Variants in FTCDNL1 observed in about 807,000 individuals in gnomAD.
The protein encoded by FTCDNL1 is formiminotransferase cyclodeaminase N-terminal like, also known as formiminotransferase N-terminal subdomain-containing protein.
FTCDNL1 carries 11 observed loss-of-function variants against 5.9 expected under a neutral mutation model. The ratio of observed to expected loss-of-function variants is 1.87; its 90% CI spans 1.18 to 3.10. FTCDNL1 has a LOEUF of 3.10. Ranked by LOEUF, FTCDNL1 falls within the 30% of genes most tolerant of loss-of-function variation. The pLI is 0.00. For missense variants in FTCDNL1, 115 were observed against 65.5 expected, an observed-to-expected ratio of 1.76 and a Z score of -2.61; for synonymous variants, 58 against 24.8, an observed-to-expected ratio of 2.34 and a Z score of -3.99.
At chr2:199,808,788 C>T (rs1700865156), downstream of FTCDNL1, among the ~76,000 whole-genome samples, 1 of 152,210 alleles carries the variant, frequency 6.6e-6, no homozygotes, top group Non-Finnish European at 1.5e-5. Flanking sequence ...TTCATTTGTA[C>T]ATTACAGCTT....
intron 3 of FTCDNL1, among the ~76,000 whole-genome samples, chr2:199,830,490 C>CAA (rs1415206604): frequency 2.6e-5 from 4 of 152,120 alleles, no homozygotes; most frequent in Non-Finnish European, 5.9e-5. Context: ...CCAATGTCTT[C>CAA]ATTAAACAGA....
chr2:199,848,659 G>A (rs757718775), intron 2 of FTCDNL1, among the ~76,000 whole-genome samples, 189 bp downstream of exon 2: 9 of 152,228 alleles, frequency 5.9e-5, no homozygotes, highest in Non-Finnish European at 8.8e-5. Flanking sequence ...AAGAGCATAT[G>A]TGCACATCTG....
chr2:199,757,079 T>G (rs896471156), downstream of FTCDNL1, among the ~76,000 whole-genome samples: 1 of 152,110 alleles, frequency 6.6e-6, no homozygotes, highest in Non-Finnish European at 1.5e-5. Flanking sequence ...TGGCAAACAC[T>G]AATGCAATCT....
At chr2:199,678,808 T>A in the FTCDNL1 span, among the ~76,000 whole-genome samples, 661 of 152,226 alleles carry the variant, frequency 4.3e-3, 7 homozygotes, top group African/African-American at 0.015. Context: ...GTAAATCAGT[T>A]ACATATTATA....
chr2:199,714,506 C>G, the FTCDNL1 span, among the ~76,000 whole-genome samples: 1 of 152,156 alleles, frequency 6.6e-6, no homozygotes, highest in Non-Finnish European at 1.5e-5. Flanking sequence ...AAAGCAGAGA[C>G]AGCAGAGGAG....
intron 3 of FTCDNL1, among the ~76,000 whole-genome samples, chr2:199,822,520 G>A (rs887024998): frequency 6.6e-6 from 1 of 152,220 alleles, no homozygotes; most frequent in Non-Finnish European, 1.5e-5. Flanking sequence ...CAGGCTGATG[G>A]CTGCCGAAGG....
chr2:199,694,646 T>C, the FTCDNL1 span, among the ~76,000 whole-genome samples: 1 of 152,030 alleles, frequency 6.6e-6, no homozygotes, highest in Non-Finnish European at 1.5e-5. Context: ...GGCAACATAG[T>C]GAGAACCCAT....
At chr2:199,786,012 C>T (rs992277580) in intron 3 of FTCDNL1, among the ~76,000 whole-genome samples, 3 of 152,188 alleles carry the variant, frequency 2.0e-5, no homozygotes, top group African/African-American at 4.8e-5. Flanking sequence ...GTTCGTGCTC[C>T]TATTAGAATC....
At chr2:199,665,492 G>A in the FTCDNL1 span, among the ~76,000 whole-genome samples, 3 of 151,994 alleles carry the variant, frequency 2.0e-5, no homozygotes, top group Non-Finnish European at 2.9e-5. Flanking sequence ...AAATTAGCTG[G>A]GGTGGTGGTG....
chr2:199,740,001 C>T, the FTCDNL1 span, among the ~76,000 whole-genome samples: 5 of 152,264 alleles, frequency 3.3e-5, no homozygotes, highest in African/African-American at 9.6e-5. Flanking sequence ...GAACACTGCC[C>T]CCTGCTGGCG....
At chr2:199,805,612 G>A (rs144842511), downstream of FTCDNL1, among the ~76,000 whole-genome samples, 367 of 152,120 alleles carry the variant, frequency 2.4e-3, 5 homozygotes, top group African/African-American at 8.3e-3. Flanking sequence ...GGCAGCGTGC[G>A]CCTGTAATCC....
chr2:199,668,221 T>G, the FTCDNL1 span, among the ~76,000 whole-genome samples: 2 of 152,242 alleles, frequency 1.3e-5, no homozygotes, highest in Non-Finnish European at 2.9e-5. Flanking sequence ...ACATCTCATA[T>G]TTAAGTGATA....
At chr2:199,697,233 C>T in the FTCDNL1 span, among the ~76,000 whole-genome samples, 7 of 152,118 alleles carry the variant, frequency 4.6e-5, no homozygotes, top group Non-Finnish European at 8.8e-5. Context: ...GATCACGCCG[C>T]TGTGCTCCAG....
At chr2:199,746,093 G>A in the FTCDNL1 span, among the ~76,000 whole-genome samples, 1 of 151,612 alleles carries the variant, frequency 6.6e-6, no homozygotes, top group Non-Finnish European at 1.5e-5. Flanking sequence ...TGTGTTTGAA[G>A]ATAATTTATT....
Position 199,812,864 on chromosome 2 carries a change from C to T in FTCDNL1, c.398-140G>A, listed in dbSNP as rs998780617. 11 of 583,944 alleles carry T rather than the reference C, an allele frequency of 1.9e-5. 1 individual carries two copies. The highest frequency in any genetic ancestry group is 2.7e-4 in the Middle Eastern group (1 of 3,766). The allele number at this position is 583,944 out of a possible 1,614,324, so 36.2% of individuals were successfully genotyped here. A position where few individuals can be genotyped will look rare whatever the true frequency, so the allele number is the denominator to read the frequency against. On this transcript the variant is annotated intron_variant, in intron 4 of 4. Coordinates refer to ENST00000420128, the MANE Select transcript of FTCDNL1 (RefSeq NM_001363886.2). Reference sequence around the variant, plus strand: ...AAAGAAAAAGAAACTGAGATTCAGTCGCTATTATTTCACAGAGAAATATAA... The same window carrying T: ...AAAGAAAAAGAAACTGAGATTCAGTTGCTATTATTTCACAGAGAAATATAA...
At chr2:199,765,210 T>C (rs575771574) in intron 3 of FTCDNL1, among the ~76,000 whole-genome samples, 17 of 152,114 alleles carry the variant, frequency 1.1e-4, no homozygotes, top group Non-Finnish European at 1.8e-4. Flanking sequence ...CCATGGACTG[T>C]ACAACACCAA....
At chr2:199,822,435 T>C (rs1701755294) in intron 3 of FTCDNL1, among the ~76,000 whole-genome samples, 1 of 152,102 alleles carries the variant, frequency 6.6e-6, no homozygotes, top group Admixed American at 6.6e-5. Context: ...TGCTAAAAAA[T>C]GCTAAGGCTT....
chr2:199,831,893 G>A (rs560376880), intron 3 of FTCDNL1, among the ~76,000 whole-genome samples: 4 of 152,032 alleles, frequency 2.6e-5, no homozygotes, highest in Non-Finnish European at 5.9e-5. Context: ...TTAATGTGTC[G>A]AGGTCTGCTT....
chr2:199,836,499 T>G lies in FTCDNL1; in HGVS notation c.211+9576A>C, dbSNP rs114006194. Among the ~76,000 whole-genome samples, 906 of 152,206 alleles carry G rather than the reference T, an allele frequency of 6.0e-3. 10 individuals carry two copies. Among genetic ancestry groups the G allele is most frequent in the African/African-American group, 0.021 (862 of 41,530 alleles). On this transcript the variant is annotated intron_variant, in intron 3 of 4. Transcript: ENST00000420128. ...TTGTCAATATTTCAATAAACCCTAT[T>G]GCTTTTACATCAAGAGTGAGACAGG... is the stretch of plus-strand genomic sequence containing the variant.
Sources: gnomAD v4.1 joint callset for allele counts (sites outside exome capture counted in the v4.1 genomes callset) on GRCh38, gnomAD v4.1.1 for gene constraint, MANE v1.5 for transcripts, NCBI Gene and HGNC (gene_info 2026-07-23, HGNC 2026-07-21) for gene names.